Variants in SNAPC3 observed in about 807,000 individuals in gnomAD.
The protein encoded by SNAPC3 is small nuclear RNA activating complex polypeptide 3.
In SNAPC3, 56 loss-of-function variants were observed where a neutral mutation model predicts 47.7. The observed-to-expected ratio is 1.18, with a 90% CI of 0.95 to 1.47. SNAPC3 has a LOEUF of 1.47. Among genes scored for constraint, SNAPC3 ranks in the 40% most tolerant of loss-of-function variants. SNAPC3 has a pLI of 0.00. For missense variants in SNAPC3, 665 were observed against 511.3 expected, an observed-to-expected ratio of 1.30 and a Z score of -2.90; for synonymous variants, 235 against 189.9, an observed-to-expected ratio of 1.24 and a Z score of -1.95.
chr9:15,423,758 A>T, intron 1 of SNAPC3, 151 bp from the exon 2 acceptor site: 1 of 432,492 alleles, frequency 2.3e-6, no homozygotes, highest in Non-Finnish European at 4.2e-6. Context: ...TAATCACAGA[A>T]ATCGTTGTCT....
chr9:15,450,479 T>C (rs908839695), intron 5 of SNAPC3, among the ~76,000 whole-genome samples: 1 of 152,204 alleles, frequency 6.6e-6, no homozygotes, highest in African/African-American at 2.4e-5. Flanking sequence ...GTGGCAGATA[T>C]TATTATTCTC....
At chr9:15,432,804 C>A (rs1189297946) in intron 2 of SNAPC3, among the ~76,000 whole-genome samples, 2 of 152,170 alleles carry the variant, frequency 1.3e-5, no homozygotes, top group African/African-American at 4.8e-5. Flanking sequence ...TGCTATTAGG[C>A]ATACAGCACA....
At position 15,451,347 on chromosome 9, in the gene SNAPC3, T is replaced by A; in HGVS notation, c.760T>A (p.Phe254Ile). The change falls in exon 6 of 9, where the codon TTT becomes ATT. Residue 254 changes from phenylalanine to isoleucine, a missense_variant. Transcript: ENST00000380821. Reference sequence around the variant, plus strand: ...CCTATACAAATCAGCCTTCTTTTATTTTGAAGGAACATTTTATAATGATAA... The same window carrying A: ...CCTATACAAATCAGCCTTCTTTTATATTGAAGGAACATTTTATAATGATAA... Reference protein sequence around the residue: ...KDLYKSAFFYFEGTFYNDKRY... With the variant: ...KDLYKSAFFYIEGTFYNDKRY... The A allele has an allele frequency of 6.5e-7, 1 of 1,540,094 alleles. No homozygotes were observed. Among genetic ancestry groups the A allele is most frequent in the South Asian group, 1.2e-5 (1 of 83,810 alleles).
At chr9:15,447,303 A>C in intron 5 of SNAPC3, 59 bp downstream of exon 5, 1 of 1,473,546 alleles carries the variant, frequency 6.8e-7, no homozygotes, top group South Asian at 1.1e-5. Flanking sequence ...AATAGCGATT[A>C]CTCTAGCTGG....
chr9:15,432,899 C>CAA (rs1328416563), intron 2 of SNAPC3, among the ~76,000 whole-genome samples: 1 of 152,156 alleles, frequency 6.6e-6, no homozygotes. Context: ...TGCATAGTGT[C>CAA]AAAGTATCTC....
downstream of SNAPC3, chr9:15,464,325 T>C (rs2132018612): frequency 5.2e-6 from 1 of 193,514 alleles, no homozygotes. Flanking sequence ...TAAGCCATTT[T>C]TTTCCATATT....
chr9:15,452,248 CCACAATGCCCAG>C (rs2034445241), intron 6 of SNAPC3, among the ~76,000 whole-genome samples: 1 of 152,122 alleles, frequency 6.6e-6, no homozygotes, highest in African/African-American at 2.4e-5. Context: ...CAGGTGTGAG[CCACAATGCCCAG>C]CATATTGTAG....
chr9:15,423,843 A>C (rs1443100793), intron 1 of SNAPC3, 66 bp from the exon 2 acceptor site: 1 of 935,304 alleles, frequency 1.1e-6, no homozygotes, highest in Admixed American at 2.7e-5. Context: ...TAGGAAAACA[A>C]CCCTAACTCG....
intron 3 of SNAPC3, among the ~76,000 whole-genome samples, chr9:15,438,147 C>G (rs984389537): frequency 7.2e-5 from 11 of 152,184 alleles, no homozygotes; most frequent in African/African-American, 2.4e-4. Context: ...ATTGCTGATT[C>G]AACCTCCTTA....
At chr9:15,423,240 T>A (rs1367994511) in intron 1 of SNAPC3, 47 bp downstream of exon 1, 4 of 1,507,478 alleles carry the variant, frequency 2.7e-6, no homozygotes, top group Non-Finnish European at 3.5e-6. Flanking sequence ...TCAAACAGGG[T>A]GCAGCCTTGC....
downstream of SNAPC3, chr9:15,465,726 C>T: frequency 1.7e-6 from 1 of 595,918 alleles, no homozygotes; most frequent in Non-Finnish European, 2.9e-6. Flanking sequence ...GTTATTAGAA[C>T]AGTCATTATT....
intron 2 of SNAPC3, among the ~76,000 whole-genome samples, chr9:15,433,131 C>G (rs893922459): frequency 6.6e-6 from 1 of 152,076 alleles, no homozygotes; most frequent in Non-Finnish European, 1.5e-5. Context: ...GAAGGACATT[C>G]TATAAAATAA....
chr9:15,425,732 T>C (rs1366423726), intron 2 of SNAPC3, among the ~76,000 whole-genome samples: 1 of 152,212 alleles, frequency 6.6e-6, no homozygotes, highest in African/African-American at 2.4e-5. Context: ...GTTGATTGAT[T>C]AGTTGTATTT....
chr9:15,437,630 T>G (rs1233807398), intron 3 of SNAPC3, among the ~76,000 whole-genome samples: 2 of 151,746 alleles, frequency 1.3e-5, no homozygotes, highest in Non-Finnish European at 2.9e-5. Context: ...TTGTTTTTTT[T>G]TTTTTTTTGC....
chr9:15,456,443 T>G (rs1264357684), intron 7 of SNAPC3, among the ~76,000 whole-genome samples: 1 of 152,216 alleles, frequency 6.6e-6, no homozygotes, highest in Non-Finnish European at 1.5e-5. Context: ...CATGATTTGT[T>G]TGAGTGTCAA....
chr9:15,439,472 C>T (rs1028978621), intron 3 of SNAPC3, among the ~76,000 whole-genome samples: 6 of 152,180 alleles, frequency 3.9e-5, no homozygotes, highest in Admixed American at 2.6e-4. Context: ...ACTCCCACAT[C>T]AGCTTTCTGA....
intron 3 of SNAPC3, among the ~76,000 whole-genome samples, chr9:15,434,740 G>A (rs569667624): frequency 1.3e-5 from 2 of 152,126 alleles, no homozygotes; most frequent in African/African-American, 4.8e-5. Context: ...TGTTTTATAG[G>A]TTCATCCATA....
downstream of SNAPC3, chr9:15,464,642 T>G: frequency 5.0e-6 from 1 of 198,656 alleles, no homozygotes; most frequent in Non-Finnish European, 1.0e-5. Context: ...GATTTTTTCT[T>G]CCAATTAAGT....
chr9:15,451,299 A>G (rs773110201), intron 5 of SNAPC3, 21 bp from the exon 6 acceptor site: 5 of 1,024,224 alleles, frequency 4.9e-6, no homozygotes, highest in African/African-American at 1.6e-5. Flanking sequence ...TTTTCTCTCA[A>G]TACAATCTGT....
Sources: allele counts gnomAD v4.1 joint callset (sites outside exome capture counted in the v4.1 genomes callset), GRCh38; gene constraint gnomAD v4.1.1; transcripts MANE v1.5; gene names NCBI Gene and HGNC (gene_info 2026-07-23, HGNC 2026-07-21).